The following ZNF91 variants were observed in gnomAD, a reference collection of about 807,000 sequenced individuals.
ZNF91 encodes zinc finger protein 91 (HPF7, HTF10).
In ZNF91, 7 loss-of-function variants were observed where a neutral mutation model predicts 12.6. The ratio of observed to expected loss-of-function variants is 0.55; its 90% CI spans 0.31 to 1.04. The LOEUF (loss-of-function observed/expected upper bound fraction) is 1.04. Ranked by LOEUF, ZNF91 falls within the 50% of genes least tolerant of loss-of-function variation. The pLI, the probability that ZNF91 is intolerant of heterozygous loss-of-function variation, is 0.05. For synonymous variants in ZNF91, 453 were observed against 462.6 expected (o/e 0.98, Z 0.27); for missense variants, 1,217 against 1,385.4 (o/e 0.88, Z 1.93).
intron 1 of ZNF91, among the ~76,000 whole-genome samples, chr19:23,383,747 C>G (rs899402413): frequency 4.0e-5 from 6 of 151,308 alleles, no homozygotes; most frequent in African/African-American, 1.5e-4. Context: ...GCAAAAGATG[C>G]CTTCTCTTAA....
intron 1 of ZNF91, chr19:23,384,460 A>T (rs1427340978): frequency 1.5e-5 from 6 of 412,494 alleles, no homozygotes; most frequent in Non-Finnish European, 2.0e-5. Flanking sequence ...GATTCTTCAG[A>T]AACATATACC....
chr19:23,323,101 TTG>T (rs909566906), intron 1 of ZNF91, among the ~76,000 whole-genome samples: 19 of 143,990 alleles, frequency 1.3e-4, no homozygotes, highest in South Asian at 2.5e-4. Context: ...TCCCCTCCCC[TTG>T]TCTCCTTTTC....
downstream of ZNF91, among the ~76,000 whole-genome samples, chr19:23,335,107 T>C (rs988490488): frequency 1.1e-4 from 17 of 152,228 alleles, no homozygotes; most frequent in African/African-American, 3.9e-4. Context: ...AGACTCTGTT[T>C]GCCTGGGTAC....
chr19:23,381,462 CT>C (rs201511156), intron 1 of ZNF91, among the ~76,000 whole-genome samples: 40,368 of 137,512 alleles, frequency 0.29, 5,531 homozygotes, highest in Non-Finnish European at 0.37. Context: ...TTTTCTTTCT[CT>C]TTTTTTTTTT....
chr19:23,325,919 CA>C (rs1967828319), intron 1 of ZNF91: 1 of 152,178 alleles, frequency 6.6e-6, no homozygotes. Context: ...CTGTTGTCTA[CA>C]AAAAGAAAAA....
chr19:23,359,901 T>C lies in ZNF91; in HGVS notation c.3078A>G (p.Glu1026=), dbSNP rs751989038. The C allele has an allele frequency of 2.5e-6, 4 of 1,584,548 alleles. No homozygotes were observed. The highest frequency in any genetic ancestry group is 2.2e-5 in the East Asian group (1 of 44,458). ...HTGEKPYKCE[E]CGKAFNRSSK... ...AGGATCGATTAAAAGCTTTGCCACA[T>C]TCTTCACATTTGTATGGTTTCTCTC... is the stretch of plus-strand genomic sequence containing the variant. Residue 1026 remains glutamate, a synonymous_variant, in exon 4 of 4, where the codon GAA becomes GAG. Transcript: ENST00000300619.
At chr19:23,321,807 A>G (rs1967702455) in intron 1 of ZNF91, among the ~76,000 whole-genome samples, 2 of 151,986 alleles carry the variant, frequency 1.3e-5, no homozygotes, top group Admixed American at 1.3e-4. Context: ...TGTTCCCAGC[A>G]TCTAAGTGAT....
chr19:23,341,692 ATC>A (rs1289333920), intron 3 of ZNF91, among the ~76,000 whole-genome samples: 2 of 152,282 alleles, frequency 1.3e-5, no homozygotes, highest in South Asian at 2.1e-4. Context: ...ATCACTCGAA[ATC>A]TGTTAGGATT....
rs761506158 is a variant in ZNF91 at position 23,360,331 on chromosome 19, T to C, written c.2648A>G (p.Lys883Arg). 2 of 1,614,086 alleles carry C rather than the reference T, an allele frequency of 1.2e-6. No individual in the cohort carries two copies. The highest frequency in any genetic ancestry group is 2.2e-5 in the South Asian group (2 of 91,076). The change falls in exon 4 of 4, where the codon AAG becomes AGG. Residue 883 changes from lysine to arginine, a missense_variant. By Grantham distance (26) the Lys-to-Arg change is conservative (BLOSUM62 2). Coordinates refer to ENST00000300619, the MANE Select transcript of ZNF91 (RefSeq NM_003430.4). ...KIIHTKEKPS[K>R]SEECDKAFIW... Reference sequence around the variant, plus strand: ...AAATGCTTTGTCACATTCTTCACTCTTGGAAGGTTTCTCTTTAGTATGAAT... The same window carrying C: ...AAATGCTTTGTCACATTCTTCACTCCTGGAAGGTTTCTCTTTAGTATGAAT...
chr19:23,375,410 C>T (rs1048485396), intron 1 of ZNF91, among the ~76,000 whole-genome samples: 2 of 152,110 alleles, frequency 1.3e-5, no homozygotes, highest in Admixed American at 6.5e-5. Context: ...CCTCCCGCCT[C>T]GGCCTCCCAA....
chr19:23,394,758 C>T (rs1235750883), intron 1 of ZNF91, among the ~76,000 whole-genome samples: 1 of 152,178 alleles, frequency 6.6e-6, no homozygotes, highest in Non-Finnish European at 1.5e-5. Flanking sequence ...ACCTACATAA[C>T]TGTACCTAGC....
At position 23,362,426 on chromosome 19, in the gene ZNF91, T is replaced by C; in HGVS notation, c.553A>G (p.Lys185Glu). The C allele has an allele frequency of 6.2e-7, 1 of 1,614,038 alleles. No individual in the cohort carries two copies. The highest frequency in any genetic ancestry group is 8.5e-7 in the Non-Finnish European group (1 of 1,179,990). ...ATGCAAAATGACTTGACACATTTTT[T>C]ACATTTGAAGCATTTCTTTCCAGTA... ...RHTGKKCFKC[K>E]KCVKSFCIRL... The change falls in exon 4 of 4, where the codon AAA (lysine) becomes GAA (glutamate). Residue 185 changes from lysine (K) to glutamate (E), a missense_variant. By Grantham distance (56) the Lys-to-Glu change is moderately conservative. Around this residue, in one of 2 missense-constraint regions of ZNF91, gnomAD observed 726 missense variants for 895.5 expected, o/e 0.81. Transcript: ENST00000300619.
chr19:23,361,297 A>C lies in ZNF91; in HGVS notation c.1682T>G (p.Leu561Arg), dbSNP rs755041340. 6.8e-6 allele frequency: 11 copies of C among 1,612,716 alleles called. No homozygotes were observed. Among genetic ancestry groups the C allele is most frequent in the Non-Finnish European group, 9.3e-6 (11 of 1,179,588 alleles). Residue 561 changes from leucine (L) to arginine (R), a missense_variant, in exon 4 of 4, where the codon CTT (leucine) becomes CGT (arginine). By Grantham distance (102) the Leu-to-Arg change is moderately radical. Around this residue, in one of 2 missense-constraint regions of ZNF91, gnomAD observed 726 missense variants for 895.5 expected, o/e 0.81. Coordinates refer to ENST00000300619, the MANE Select transcript of ZNF91 (RefSeq NM_003430.4). ...AGCATGAATTATTTTATGTGTAGTA[A>C]GGGTTGAGAATTGCTTAAAAGCTTT... is the stretch of plus-strand genomic sequence containing the variant. Reference protein sequence around the residue: ...CGKAFKQFSTLTTHKIIHAGK... With the variant: ...CGKAFKQFSTRTTHKIIHAGK...
intron 1 of ZNF91, among the ~76,000 whole-genome samples, chr19:23,317,047 T>C (rs1967576249): frequency 7.2e-5 from 11 of 151,882 alleles, no homozygotes; most frequent in Admixed American, 7.2e-4. Context: ...ATTTCTTTTC[T>C]TTTCTTTTTT....
At chr19:23,394,225 C>T (rs554262548) in intron 1 of ZNF91, among the ~76,000 whole-genome samples, 1 of 151,976 alleles carries the variant, frequency 6.6e-6, no homozygotes, top group Admixed American at 6.6e-5. Flanking sequence ...AAAATCGTCC[C>T]CTTTTGAGTG....
intron 3 of ZNF91, among the ~76,000 whole-genome samples, chr19:23,340,805 A>G (rs1315338784): frequency 1.3e-5 from 2 of 150,822 alleles, no homozygotes; most frequent in African/African-American, 4.8e-5. Flanking sequence ...GGCACAGAAA[A>G]AAAAATCAGC....
downstream of ZNF91, among the ~76,000 whole-genome samples, chr19:23,355,158 G>T (rs540574414): frequency 6.6e-6 from 1 of 152,070 alleles, no homozygotes; most frequent in Non-Finnish European, 1.5e-5. Flanking sequence ...GCCAAAGCAA[G>T]ACTAAGCAAA....
At chr19:23,354,042 A>T (rs1011572841), downstream of ZNF91, among the ~76,000 whole-genome samples, 1 of 152,204 alleles carries the variant, frequency 6.6e-6, no homozygotes. Flanking sequence ...AATTCTTTTG[A>T]CACTATTCCA....
intron 2 of ZNF91, 71 bp from the exon 3 acceptor site, chr19:23,373,908 G>T (rs1306686522): frequency 7.0e-6 from 7 of 1,003,310 alleles, no homozygotes; most frequent in Non-Finnish European, 1.0e-5. Flanking sequence ...AATGTGCTCA[G>T]TAAAGAGCAT....
Sources: allele counts gnomAD v4.1 joint callset (sites outside exome capture counted in the v4.1 genomes callset), GRCh38; gene constraint gnomAD v4.1.1; regional missense constraint gnomAD v4.1.1; transcripts MANE v1.5; gene names NCBI Gene and HGNC (gene_info 2026-07-23, HGNC 2026-07-21).